ARHGAP8: variants seen among roughly 807,000 people sequenced by gnomAD.
ARHGAP8 encodes the protein Rho GTPase activating protein 8, also known as rho GTPase-activating protein 8.
A neutral mutation model predicts 46.1 loss-of-function variants in ARHGAP8; 62 were observed. The ratio of observed to expected loss-of-function variants is 1.34; its 90% CI spans 1.10 to 1.66. ARHGAP8 has a LOEUF of 1.66. Ranked by LOEUF, ARHGAP8 falls within the 40% of genes most tolerant of loss-of-function variation. The pLI is 0.00. For synonymous variants in ARHGAP8, 375 were observed against 243.1 expected, an observed-to-expected ratio of 1.54 and a Z score of -5.05; for missense variants, 923 against 568.4, an observed-to-expected ratio of 1.62 and a Z score of -6.34.
At chr22:44,838,827 C>G (rs898458795) in intron 7 of ARHGAP8, among the ~76,000 whole-genome samples, 8 of 152,332 alleles carry the variant, frequency 5.3e-5, no homozygotes, top group East Asian at 3.9e-4. Flanking sequence ...TGTGTGCAGC[C>G]TGGGAGGCTG....
chr22:44,758,717 G>A (rs1026394903), intron 1 of ARHGAP8, among the ~76,000 whole-genome samples: 79 of 152,298 alleles, frequency 5.2e-4, no homozygotes, highest in African/African-American at 1.9e-3. Context: ...CAAAGGCAGT[G>A]GGGTGGGAGT....
chr22:44,853,106 C>G (rs756386180), intron 10 of ARHGAP8, among the ~76,000 whole-genome samples: 1 of 137,992 alleles, frequency 7.2e-6, no homozygotes, highest in Non-Finnish European at 1.5e-5. Flanking sequence ...CCGGCCTAAA[C>G]TCCATTTTTT....
intron 7 of ARHGAP8, among the ~76,000 whole-genome samples, chr22:44,833,825 C>T (rs1931116073): frequency 1.3e-5 from 2 of 152,062 alleles, no homozygotes; most frequent in South Asian, 4.2e-4. Flanking sequence ...ACTAATGTAA[C>T]CTCTTTGCTT....
intron 1 of ARHGAP8, among the ~76,000 whole-genome samples, chr22:44,768,995 T>G (rs1925807778): frequency 6.6e-6 from 1 of 152,082 alleles, no homozygotes; most frequent in Non-Finnish European, 1.5e-5. Context: ...CCATCATGCC[T>G]GGCTAATTTT....
chr22:44,847,816 G>A (rs1209148457), intron 8 of ARHGAP8, among the ~76,000 whole-genome samples, 157 bp from the exon 9 acceptor site: 3 of 152,314 alleles, frequency 2.0e-5, no homozygotes, highest in Non-Finnish European at 4.4e-5. Context: ...GTGGGAAATC[G>A]GGTGGGTTGG....
At chr22:44,852,189 C>CAA (rs58207915) in intron 10 of ARHGAP8, among the ~76,000 whole-genome samples, 9 of 76,022 alleles carry the variant, frequency 1.2e-4, no homozygotes, top group African/African-American at 2.4e-4. Flanking sequence ...GAGACTTTGT[C>CAA]AAAAAAAAAA....
chr22:44,782,097 G>A (rs1926885342), intron 1 of ARHGAP8, among the ~76,000 whole-genome samples: 1 of 152,138 alleles, frequency 6.6e-6, no homozygotes, highest in Admixed American at 6.5e-5. Flanking sequence ...CACTTTGGGA[G>A]GCTGAGGCGG....
chr22:44,800,585 G>A (rs1371374344), intron 2 of ARHGAP8, among the ~76,000 whole-genome samples: 5 of 112,926 alleles, frequency 4.4e-5, no homozygotes, highest in African/African-American at 1.9e-4. Flanking sequence ...AGCTGTCCAT[G>A]TGTGGGGGGC....
At chr22:44,802,204 C>G in intron 3 of ARHGAP8, 40 bp downstream of exon 3, 1 of 1,609,956 alleles carries the variant, frequency 6.2e-7, no homozygotes, top group Non-Finnish European at 8.5e-7. Flanking sequence ...CCTGTCTCTC[C>G]ATGTTGCTTG....
At chr22:44,760,543 C>A (rs1925052879) in intron 1 of ARHGAP8, among the ~76,000 whole-genome samples, 1 of 152,194 alleles carries the variant, frequency 6.6e-6, no homozygotes, top group African/African-American at 2.4e-5. Flanking sequence ...CTGCATTGTG[C>A]AAATACCACA....
At chr22:44,772,582 G>C (rs1230002788) in intron 1 of ARHGAP8, among the ~76,000 whole-genome samples, 1 of 151,640 alleles carries the variant, frequency 6.6e-6, no homozygotes, top group South Asian at 2.1e-4. Flanking sequence ...GGTTTGATTT[G>C]TTAATATTTT....
chr22:44,800,495 G>A (rs374651634), intron 2 of ARHGAP8, among the ~76,000 whole-genome samples: 1 of 152,190 alleles, frequency 6.6e-6, no homozygotes, highest in East Asian at 1.9e-4. Flanking sequence ...CTCTCAAGGG[G>A]TACCCCTCCC....
intron 1 of ARHGAP8, among the ~76,000 whole-genome samples, chr22:44,764,828 C>T (rs1473891336): frequency 1.3e-5 from 2 of 152,152 alleles, no homozygotes; most frequent in Admixed American, 6.6e-5. Context: ...CGTGTCCCTG[C>T]GAGAGGGAGC....
intron 2 of ARHGAP8, among the ~76,000 whole-genome samples, chr22:44,799,642 G>A (rs1263682350): frequency 1.3e-5 from 2 of 152,136 alleles, no homozygotes; most frequent in African/African-American, 4.8e-5. Flanking sequence ...ACTGCTGCCT[G>A]TACCCCTTTG....
intron 10 of ARHGAP8, among the ~76,000 whole-genome samples, chr22:44,854,786 C>T (rs149208314): frequency 3.6e-4 from 54 of 152,112 alleles, no homozygotes; most frequent in African/African-American, 1.2e-3. Flanking sequence ...TTACAGGCAC[C>T]GGCCATCTTG....
chr22:44,759,054 G>A (rs1252898086), intron 1 of ARHGAP8, among the ~76,000 whole-genome samples: 1 of 152,220 alleles, frequency 6.6e-6, no homozygotes, highest in African/African-American at 2.4e-5. Flanking sequence ...AGCCTGGAAT[G>A]GCAGAGAAAG....
intron 1 of ARHGAP8, among the ~76,000 whole-genome samples, chr22:44,757,463 G>A (rs1924774577): frequency 6.6e-6 from 1 of 151,964 alleles, no homozygotes; most frequent in Non-Finnish European, 1.5e-5. Flanking sequence ...TTTTAATAGA[G>A]ACAAGGTTTT....
chr22:44,844,642 TAGTAGAGAC>T (rs2069910358), intron 7 of ARHGAP8, among the ~76,000 whole-genome samples: 1 of 152,026 alleles, frequency 6.6e-6, no homozygotes, highest in African/African-American at 2.4e-5. Context: ...TTTGTATTTT[TAGTAGAGAC>T]AGGGTTTCAC....
chr22:44,803,162 C>A (rs1928677437), intron 3 of ARHGAP8, among the ~76,000 whole-genome samples: 1 of 152,168 alleles, frequency 6.6e-6, no homozygotes, highest in Non-Finnish European at 1.5e-5. Context: ...GACTCTGAGA[C>A]AGAAGGTGGC....
Sources: allele counts gnomAD v4.1 joint callset (sites outside exome capture counted in the v4.1 genomes callset), GRCh38; gene constraint gnomAD v4.1.1; transcripts MANE v1.5; gene names NCBI Gene and HGNC (gene_info 2026-07-23, HGNC 2026-07-21).